The following COL25A1 variants were observed in gnomAD, a reference collection of about 807,000 sequenced individuals.
COL25A1 encodes the protein collagen alpha-1(XXV) chain.
A neutral mutation model predicts 128.4 loss-of-function variants in COL25A1; 103 were observed. The observed-to-expected ratio is 0.80, with a 90% CI of 0.68 to 0.94. The LOEUF (loss-of-function observed/expected upper bound fraction) is 0.94, where lower values mean the gene tolerates loss of function less well. Among genes scored for constraint, COL25A1 ranks in the 40% least tolerant of loss-of-function variants. The pLI is 0.00. For missense variants in COL25A1, 745 were observed against 840.0 expected, an observed-to-expected ratio of 0.89 and a Z score of 1.40; for synonymous variants, 279 against 277.2, an observed-to-expected ratio of 1.01 and a Z score of -0.06.
chr4:108,843,171 G>A (rs1734661590), intron 30 of COL25A1, among the ~76,000 whole-genome samples: 1 of 137,260 alleles, frequency 7.3e-6, no homozygotes, highest in African/African-American at 2.7e-5. Context: ...AAAAAAAAAA[G>A]AGGAAGAAGA....
intron 10 of COL25A1, 87 bp downstream of exon 10, chr4:108,940,452 G>T: frequency 9.4e-7 from 1 of 1,066,580 alleles, no homozygotes; most frequent in Non-Finnish European, 1.5e-6. Flanking sequence ...CTGACCTGAT[G>T]CCCCTCACCA....
chr4:108,941,761 G>T (rs1748130964), intron 8 of COL25A1, among the ~76,000 whole-genome samples: 1 of 152,176 alleles, frequency 6.6e-6, no homozygotes, highest in African/African-American at 2.4e-5. Flanking sequence ...GCATTCTTCA[G>T]TCTGAGCAGA....
intron 5 of COL25A1, among the ~76,000 whole-genome samples, chr4:109,030,530 T>C (rs917017892): frequency 6.6e-6 from 1 of 152,200 alleles, no homozygotes; most frequent in South Asian, 2.1e-4. Flanking sequence ...AAGAGAATTA[T>C]ATCTGTGAAA....
At chr4:108,889,867 G>T in intron 16 of COL25A1, 134 bp from the exon 17 acceptor site, 1 of 677,620 alleles carries the variant, frequency 1.5e-6, no homozygotes, top group Non-Finnish European at 2.6e-6. Flanking sequence ...CGTTCCAGAA[G>T]ACTTTGTACC....
Position 109,126,917 on chromosome 4 carries a change from A to T in COL25A1, c.368-76738T>A, listed in dbSNP as rs118037279. ...AAACTTAAAGTATAATAATAAAATT[A>T]AAAAAAAAAAGAAACGTCTCTCTTT... On this transcript the variant is annotated intron_variant, in intron 3 of 37. Coordinates refer to ENST00000399132, the MANE Select transcript of COL25A1 (RefSeq NM_198721.4). Among the ~76,000 whole-genome samples the T allele has an allele frequency of 2.4e-3, 345 of 145,562 alleles. 1 individual carries two copies. Among genetic ancestry groups the T allele is most frequent in the East Asian group, 0.016 (82 of 5,042 alleles).
intron 3 of COL25A1, among the ~76,000 whole-genome samples, chr4:109,278,971 A>G (rs1198524956): frequency 6.6e-6 from 1 of 152,180 alleles, no homozygotes; most frequent in Non-Finnish European, 1.5e-5. Flanking sequence ...TGGAAGGGGC[A>G]CGTCAACTCC....
At chr4:109,206,282 A>G (rs1473640981) in intron 3 of COL25A1, among the ~76,000 whole-genome samples, 9 of 152,162 alleles carry the variant, frequency 5.9e-5, no homozygotes, top group Admixed American at 5.9e-4. Flanking sequence ...ACACTATAAA[A>G]CATAAACATT....
chr4:109,015,468 T>G (rs541563444), intron 5 of COL25A1, among the ~76,000 whole-genome samples: 1 of 152,158 alleles, frequency 6.6e-6, no homozygotes, highest in Admixed American at 6.5e-5. Context: ...AAATGCTTCA[T>G]AAATAAAAAC....
chr4:108,876,705 T>C (rs555727097), intron 19 of COL25A1, among the ~76,000 whole-genome samples: 1 of 152,196 alleles, frequency 6.6e-6, no homozygotes, highest in Non-Finnish European at 1.5e-5. Context: ...AGTGACTGAA[T>C]AGGTTGTCCA....
intron 3 of COL25A1, among the ~76,000 whole-genome samples, chr4:109,144,589 C>T (rs1770754398): frequency 1.3e-5 from 2 of 152,166 alleles, no homozygotes; most frequent in Non-Finnish European, 2.9e-5. Flanking sequence ...TCAGAGATAC[C>T]CTGCCCAAGA....
At chr4:109,112,502 GAA>G (rs773531597) in intron 3 of COL25A1, among the ~76,000 whole-genome samples, 3 of 100,036 alleles carry the variant, frequency 3.0e-5, no homozygotes, top group African/African-American at 8.6e-5. Context: ...TAAAATATTA[GAA>G]AAAAAAAACA....
chr4:109,295,427 T>C (rs187130338), intron 3 of COL25A1, among the ~76,000 whole-genome samples: 5 of 152,234 alleles, frequency 3.3e-5, no homozygotes, highest in Admixed American at 3.3e-4. Context: ...GAGGAATGCC[T>C]GCTATTCTCA....
intron 15 of COL25A1, among the ~76,000 whole-genome samples, chr4:108,897,508 C>T (rs1254557390): frequency 6.6e-6 from 1 of 152,144 alleles, no homozygotes; most frequent in African/African-American, 2.4e-5. Context: ...AGACCAGTTC[C>T]AGCACCTACT....
chr4:109,179,808 T>C (rs1047317190), intron 3 of COL25A1, among the ~76,000 whole-genome samples: 1 of 152,234 alleles, frequency 6.6e-6, no homozygotes, highest in Admixed American at 6.5e-5. Flanking sequence ...GTTCTGTGTA[T>C]GTTTCTTGTT....
chr4:108,962,804 G>A (rs1014977855), intron 8 of COL25A1, among the ~76,000 whole-genome samples: 2 of 152,030 alleles, frequency 1.3e-5, no homozygotes, highest in East Asian at 3.9e-4. Context: ...ATCAATAAAG[G>A]TTTCTCTCAA....
intron 3 of COL25A1, among the ~76,000 whole-genome samples, chr4:109,162,679 A>G (rs1277369061): frequency 6.6e-6 from 1 of 152,168 alleles, no homozygotes; most frequent in East Asian, 1.9e-4. Context: ...TGTGACTAAC[A>G]TGAATTAGAT....
At chr4:109,161,950 T>C (rs1034144002) in intron 3 of COL25A1, among the ~76,000 whole-genome samples, 8 of 152,222 alleles carry the variant, frequency 5.3e-5, no homozygotes, top group African/African-American at 1.9e-4. Flanking sequence ...TAGTGAATCA[T>C]TCGGCAGCGC....
chr4:109,141,190 T>G (rs1578268527), intron 3 of COL25A1, among the ~76,000 whole-genome samples: 1 of 152,116 alleles, frequency 6.6e-6, no homozygotes, highest in Admixed American at 6.5e-5. Flanking sequence ...ATTGAGAAAA[T>G]TATGTGGTTT....
chr4:108,939,768 A>G (rs1747863478), intron 10 of COL25A1, among the ~76,000 whole-genome samples: 1 of 152,280 alleles, frequency 6.6e-6, no homozygotes, highest in African/African-American at 2.4e-5. Context: ...AAGTCATAAA[A>G]TAAATCTAAA....
Sources: allele counts gnomAD v4.1 joint callset (sites outside exome capture counted in the v4.1 genomes callset), GRCh38; gene constraint gnomAD v4.1.1; transcripts MANE v1.5; gene names NCBI Gene and HGNC (gene_info 2026-07-23, HGNC 2026-07-21).